ATXN2: variants seen among roughly 807,000 people sequenced by gnomAD.
ATXN2 encodes ataxin-2.
In ATXN2, 37 loss-of-function variants were observed where a neutral mutation model predicts 138.6. The observed-to-expected ratio is 0.27, with a 90% CI of 0.21 to 0.35. The LOEUF (loss-of-function observed/expected upper bound fraction) is 0.35. Among genes scored for constraint, ATXN2 ranks in the 10% least tolerant of loss-of-function variants. The pLI is 1.00. For synonymous variants in ATXN2, 549 were observed against 543.7 expected, an observed-to-expected ratio of 1.01 and a Z score of -0.13; for missense variants, 1,216 against 1,480.3, an observed-to-expected ratio of 0.82 and a Z score of 2.93.
chr12:111,579,274 T>C (rs1883851732), intron 1 of ATXN2, among the ~76,000 whole-genome samples: 1 of 152,150 alleles, frequency 6.6e-6, no homozygotes, highest in East Asian at 1.9e-4. Flanking sequence ...ATTTATTTAT[T>C]TTTTTGAGAC....
chr12:111,564,636 C>A (rs987029732), intron 1 of ATXN2, among the ~76,000 whole-genome samples: 2 of 150,878 alleles, frequency 1.3e-5, no homozygotes, highest in African/African-American at 4.9e-5. Flanking sequence ...AATTAAAAAT[C>A]AAGCAGAGCC....
At chr12:111,458,540 G>A (rs1875305994) in intron 21 of ATXN2, 1 of 152,190 alleles carries the variant, frequency 6.6e-6, no homozygotes, top group South Asian at 2.1e-4. Context: ...ACCTCCACGA[G>A]GCAATGAGCT....
chr12:111,515,005 C>T (rs369621593), intron 10 of ATXN2, among the ~76,000 whole-genome samples: 2 of 152,066 alleles, frequency 1.3e-5, no homozygotes, highest in South Asian at 2.1e-4. Flanking sequence ...AAATAAACAT[C>T]GCTTACTCAA....
intron 1 of ATXN2, among the ~76,000 whole-genome samples, chr12:111,561,653 G>A (rs576954576): frequency 2.6e-5 from 4 of 152,208 alleles, no homozygotes; most frequent in African/African-American, 9.6e-5. Flanking sequence ...AGCCAACATG[G>A]TGAAACTCCA....
chr12:111,480,093 T>G (rs1592813478), intron 18 of ATXN2, among the ~76,000 whole-genome samples: 1 of 151,268 alleles, frequency 6.6e-6, no homozygotes, highest in South Asian at 2.1e-4. Context: ...GGCAGATTAC[T>G]GGTTAACTGG....
intron 15 of ATXN2, 22 bp from the exon 16 acceptor site, chr12:111,486,846 G>C (rs940023267): frequency 6.3e-7 from 1 of 1,595,778 alleles, no homozygotes; most frequent in Admixed American, 1.7e-5. Flanking sequence ...ATAAAGGCCA[G>C]TGAAATCTAC....
rs187375014 is a variant in ATXN2, at chr12:111,495,763, T to G, written c.1936-6983A>C. Among the ~76,000 whole-genome samples the G allele has an allele frequency of 2.5e-3, 375 of 152,248 alleles. 2 individuals carry two copies. Among genetic ancestry groups the G allele is most frequent in the African/African-American group, 8.8e-3 (364 of 41,534 alleles). On this transcript the variant is annotated intron_variant, in intron 14 of 24. Coordinates refer to ENST00000673436, the MANE Select transcript of ATXN2 (RefSeq NM_001372574.1). ...GGCCCAATACATATTTACAGAACAT[T>G]GTGTCCAACAGCTATAGAATACACA...
At chr12:111,556,202 C>T (rs779122197) in intron 1 of ATXN2, among the ~76,000 whole-genome samples, 3 of 152,048 alleles carry the variant, frequency 2.0e-5, no homozygotes, top group Non-Finnish European at 4.4e-5. Flanking sequence ...AAGAAAAAAA[C>T]TAATGCTAAA....
chr12:111,590,373 C>T (rs762341438), intron 1 of ATXN2, among the ~76,000 whole-genome samples: 3 of 151,990 alleles, frequency 2.0e-5, no homozygotes, highest in African/African-American at 4.8e-5. Context: ...AAGTACTGTC[C>T]GTGACTGTAT....
rs1011273508 is a variant in ATXN2, at chr12:111,552,143, A to C, written c.571+137T>G. ...TGATCCACCCGCCTCAGCCTCCCTA[A>C]GTGCTAAGATTACAGGAATGAGCCG... On this transcript the variant is annotated intron_variant, in intron 5 of 24. Transcript: ENST00000673436. This position sits in a 1 kb window ranked among gnomAD's most constrained non-coding sequence, Gnocchi z 4.1. 2.2e-6 allele frequency: 2 copies of C among 908,660 alleles called. No homozygotes were observed. The highest frequency in any genetic ancestry group is 3.1e-6 in the Non-Finnish European group (2 of 644,874). 56.3% of individuals were successfully genotyped at this position (908,660 alleles called of 1,614,324 possible).
At chr12:111,509,658 T>A (rs748193069) in intron 13 of ATXN2, 39 bp from the exon 14 acceptor site, 4 of 1,250,528 alleles carry the variant, frequency 3.2e-6, no homozygotes, top group Admixed American at 2.3e-5. Context: ...GGTTTATTTT[T>A]AAACTTTAAC....
intron 5 of ATXN2, among the ~76,000 whole-genome samples, chr12:111,526,403 C>CT (rs778084602): frequency 1.7e-3 from 230 of 137,472 alleles, no homozygotes; most frequent in Middle Eastern, 8.0e-3. Flanking sequence ...AAAAATATCT[C>CT]TTTTTTTTTT....
At chr12:111,565,995 C>CAA (rs879709372) in intron 1 of ATXN2, among the ~76,000 whole-genome samples, 4 of 105,954 alleles carry the variant, frequency 3.8e-5, no homozygotes, top group South Asian at 2.9e-4. Flanking sequence ...GATTCTGTCT[C>CAA]AAAAAAAAAA....
chr12:111,525,931 C>T (rs1395221335), intron 5 of ATXN2, among the ~76,000 whole-genome samples: 1 of 152,012 alleles, frequency 6.6e-6, no homozygotes, highest in South Asian at 2.1e-4. Context: ...ATACCCCCAC[C>T]TTGGCCTCCC....
At chr12:111,582,488 G>A (rs1884064509) in intron 1 of ATXN2, among the ~76,000 whole-genome samples, 1 of 151,872 alleles carries the variant, frequency 6.6e-6, no homozygotes, top group Non-Finnish European at 1.5e-5. Context: ...TGTGCCTGTG[G>A]TCCCAGCTAC....
intron 18 of ATXN2, among the ~76,000 whole-genome samples, chr12:111,483,813 C>T (rs1478489077): frequency 2.6e-5 from 4 of 152,094 alleles, no homozygotes; most frequent in Non-Finnish European, 4.4e-5. Context: ...GGCAGGGTTT[C>T]GCTCTTTCAC....
At chr12:111,574,618 T>G (rs1398772693) in intron 1 of ATXN2, among the ~76,000 whole-genome samples, 3 of 152,022 alleles carry the variant, frequency 2.0e-5, no homozygotes, top group Non-Finnish European at 2.9e-5. Flanking sequence ...AGATGGGGCC[T>G]CACTATGTTG....
At chr12:111,478,849 A>T (rs886779897) in intron 18 of ATXN2, among the ~76,000 whole-genome samples, 6 of 151,630 alleles carry the variant, frequency 4.0e-5, no homozygotes, top group African/African-American at 1.5e-4. Context: ...TCTACTAAAA[A>T]TACAAAAAAA....
chr12:111,466,760 G>A (rs1412765450), intron 20 of ATXN2, among the ~76,000 whole-genome samples: 1 of 152,106 alleles, frequency 6.6e-6, no homozygotes, highest in Admixed American at 6.5e-5. Flanking sequence ...ATGAGAAAAG[G>A]TGACATAAAA....
Sources: allele counts gnomAD v4.1 joint callset (sites outside exome capture counted in the v4.1 genomes callset), GRCh38; gene constraint gnomAD v4.1.1; non-coding constraint Gnocchi (gnomAD v3.1); transcripts MANE v1.5; gene names NCBI Gene and HGNC (gene_info 2026-07-23, HGNC 2026-07-21).